The following CYRIB variants were observed in gnomAD, a reference collection of about 807,000 sequenced individuals.
CYRIB encodes the protein CYFIP related Rac1 interactor B.
In CYRIB, 8 loss-of-function variants were observed where a neutral mutation model predicts 44.2. That is an observed-to-expected ratio of 0.18 (90% CI 0.11 to 0.33). The LOEUF is 0.33. Among genes scored for constraint, CYRIB ranks in the 10% least tolerant of loss-of-function variants. CYRIB has a pLI of 1.00. For missense variants in CYRIB, 185 were observed against 382.8 expected (o/e 0.48, Z 4.31); for synonymous variants, 131 against 127.2 (o/e 1.03, Z -0.20).
intron 2 of CYRIB, among the ~76,000 whole-genome samples, chr8:129,898,991 G>A (rs563088330): frequency 7.2e-4 from 109 of 152,108 alleles, no homozygotes; most frequent in African/African-American, 2.6e-3. Flanking sequence ...ACCCTCCCAA[G>A]TAGCTGGGAT....
upstream of CYRIB, among the ~76,000 whole-genome samples, chr8:129,940,295 T>C (rs1194538826): frequency 1.3e-5 from 2 of 152,164 alleles, no homozygotes; most frequent in Non-Finnish European, 2.9e-5. Flanking sequence ...CTCTCCCCTT[T>C]GGGTCAGGTA....
rs183220361 is a variant in CYRIB, at chr8:129,912,038, A to C, written c.-49-8688T>G. Among the ~76,000 whole-genome samples, 12 of 152,312 alleles carry C rather than the reference A, an allele frequency of 7.9e-5. No individual in the cohort carries two copies. In the East Asian group the frequency reaches 9.6e-4, roughly 12 times the overall value. On this transcript the variant is annotated intron_variant, in intron 1 of 11. Transcript: ENST00000519824. ...CCTTATTTTGCAGCTCTATAAGCTC[A>C]AACTCTGTAAAATTAAATGCTAGTT...
chr8:129,893,712 TTAG>T (rs1358151149), intron 2 of CYRIB, among the ~76,000 whole-genome samples: 3 of 152,158 alleles, frequency 2.0e-5, no homozygotes, highest in Non-Finnish European at 4.4e-5. Context: ...AAAAAAATTA[TTAG>T]ATAGAGATGG....
chr8:130,002,297 C>A (rs527242122), intron 1 of CYRIB, among the ~76,000 whole-genome samples: 4 of 152,160 alleles, frequency 2.6e-5, no homozygotes, highest in Admixed American at 6.5e-5. Context: ...CCCATCTCTA[C>A]AAATAATTAA....
rs187204811 is a variant in CYRIB, at chr8:129,975,843, G to A, written c.-295-4848C>T. On this transcript the variant is annotated intron_variant, in intron 1 of 14. Coordinates refer to the CYRIB transcript ENST00000401979. ...CAGAGTTTAAAAATACTGCAGCCGG[G>A]TCCCCACTCTGCATAATTAAACAGA... 9.2e-5 allele frequency among the ~76,000 whole-genome samples: 14 copies of A among 152,208 alleles called. No homozygotes were observed. The East Asian group carries it at 2.5e-3, about 27-fold the overall frequency.
At chr8:129,996,708 G>A (rs933966055) in intron 1 of CYRIB, among the ~76,000 whole-genome samples, 2 of 152,038 alleles carry the variant, frequency 1.3e-5, no homozygotes, top group African/African-American at 4.8e-5. Flanking sequence ...ATCTCAGACA[G>A]CTTTGAGCCC....
intron 2 of CYRIB, chr8:129,947,878 A>G (rs1590888983): frequency 6.6e-6 from 1 of 152,240 alleles, no homozygotes; most frequent in Non-Finnish European, 1.5e-5. Flanking sequence ...TAAAGGCTAT[A>G]TAACACTCCG....
intron 1 of CYRIB, among the ~76,000 whole-genome samples, chr8:129,920,912 T>TA (rs2137093946): frequency 6.6e-6 from 1 of 152,314 alleles, no homozygotes; most frequent in South Asian, 2.1e-4. Flanking sequence ...GACAAAATTT[T>TA]AGTCATTTGG....
intron 1 of CYRIB, among the ~76,000 whole-genome samples, chr8:129,980,227 C>CAA (rs58630436): frequency 6.5e-4 from 60 of 91,710 alleles, no homozygotes; most frequent in Non-Finnish European, 1.1e-3. Flanking sequence ...GACTCCATCT[C>CAA]AAAAAAAAAA....
chr8:129,956,616 A>T (rs2094850763), intron 2 of CYRIB, among the ~76,000 whole-genome samples: 1 of 152,058 alleles, frequency 6.6e-6, no homozygotes, highest in South Asian at 2.1e-4. Context: ...TATATCACTT[A>T]GGGTGAGCTG....
intron 4 of CYRIB, among the ~76,000 whole-genome samples, chr8:129,863,955 T>C (rs1239944550): frequency 6.6e-6 from 1 of 152,214 alleles, no homozygotes; most frequent in African/African-American, 2.4e-5. Flanking sequence ...AGAGGTTATA[T>C]GACATGTCTC....
At chr8:129,855,818 C>T (rs2045940921) in intron 5 of CYRIB, 71 bp from the exon 8 acceptor site, 1 of 1,363,662 alleles carries the variant, frequency 7.3e-7, no homozygotes, top group Non-Finnish European at 1.0e-6. Context: ...AAAAAGTGAA[C>T]AATTCATAAA....
intron 2 of CYRIB, among the ~76,000 whole-genome samples, chr8:129,968,681 G>T (rs1318030773): frequency 6.6e-6 from 1 of 152,128 alleles, no homozygotes; most frequent in Non-Finnish European, 1.5e-5. Flanking sequence ...AGGTTGAAGG[G>T]TCTCATACCT....
chr8:129,958,132 G>A (rs562580561), intron 2 of CYRIB, among the ~76,000 whole-genome samples: 18 of 152,196 alleles, frequency 1.2e-4, no homozygotes, highest in Non-Finnish European at 2.5e-4. Context: ...CCTCCAGCTT[G>A]GGCAAAGAGT....
chr8:130,013,941 T>C (rs2097284245), intron 1 of CYRIB, among the ~76,000 whole-genome samples: 1 of 152,182 alleles, frequency 6.6e-6, no homozygotes, highest in Non-Finnish European at 1.5e-5. Context: ...GCAGGTCAGG[T>C]GCCAGAGGAA....
intron 3 of CYRIB, among the ~76,000 whole-genome samples, chr8:129,873,655 G>C (rs1389313314): frequency 6.6e-6 from 1 of 152,002 alleles, no homozygotes; most frequent in East Asian, 1.9e-4. Context: ...AGGTATCTGT[G>C]AAGTTTGAAA....
intron 1 of CYRIB, among the ~76,000 whole-genome samples, chr8:129,930,380 T>TATA (rs1391611901): frequency 1.2e-4 from 15 of 124,780 alleles, no homozygotes; most frequent in East Asian, 2.2e-4. Flanking sequence ...TATATATATA[T>TATA]TTTAATTATT....
intron 1 of CYRIB, among the ~76,000 whole-genome samples, chr8:130,008,043 T>C (rs922221807): frequency 6.6e-6 from 1 of 151,838 alleles, no homozygotes; most frequent in African/African-American, 2.4e-5. Flanking sequence ...ACTCCATCTC[T>C]ACTAAAAGTA....
chr8:129,900,368 T>C (rs1226685346), intron 2 of CYRIB, among the ~76,000 whole-genome samples: 1 of 152,166 alleles, frequency 6.6e-6, no homozygotes, highest in Non-Finnish European at 1.5e-5. Context: ...GAAATGATTG[T>C]TAATGCTGTT....
Sources: allele counts gnomAD v4.1 joint callset (sites outside exome capture counted in the v4.1 genomes callset), GRCh38; gene constraint gnomAD v4.1.1; transcripts MANE v1.5; gene names NCBI Gene and HGNC (gene_info 2026-07-23, HGNC 2026-07-21).